BIRC6: variants seen among roughly 807,000 people sequenced by gnomAD.
The protein encoded by BIRC6 is dual E2 ubiquitin-conjugating enzyme/E3 ubiquitin-protein ligase BIRC6.
In BIRC6, 98 loss-of-function variants were observed where a neutral mutation model predicts 503.3. The observed-to-expected ratio is 0.19, with a 90% CI of 0.17 to 0.23. BIRC6 has a LOEUF of 0.23. BIRC6 is among the 10% of genes least tolerant of loss of function. The probability of loss-of-function intolerance (pLI) is 1.00; values close to 1 mark genes in which losing one functional copy is unlikely to be tolerated. For missense variants in BIRC6, 5,360 were observed against 5,806.0 expected, an observed-to-expected ratio of 0.92 and a Z score of 2.50; for synonymous variants, 2,240 against 2,078.7, an observed-to-expected ratio of 1.08 and a Z score of -2.11.
intron 39 of BIRC6, among the ~76,000 whole-genome samples, chr2:32,483,940 C>T (rs1211987349): frequency 1.3e-5 from 2 of 152,150 alleles, no homozygotes; most frequent in Non-Finnish European, 2.9e-5. Context: ...CTTTTCCCCT[C>T]TGTAAAAATG....
Position 32,442,312 on chromosome 2 carries a change from A to C in BIRC6, c.4107-12A>C. The C allele has an allele frequency of 6.2e-7, 1 of 1,612,964 alleles. No homozygotes were observed. Among genetic ancestry groups the C allele is most frequent in the Non-Finnish European group, 8.5e-7 (1 of 1,179,464 alleles). ...TTCAGGATGAGTCTAAATGTCTGCTATTGTTTTGCAGCTCAAAGGAAGGAA... is the reference window on the plus strand; with the variant it reads ...TTCAGGATGAGTCTAAATGTCTGCTCTTGTTTTGCAGCTCAAAGGAAGGAA... On this transcript the variant is annotated splice_polypyrimidine_tract_variant and intron_variant, in intron 18 of 73. Coordinates refer to ENST00000421745, the MANE Select transcript of BIRC6 (RefSeq NM_016252.4).
At chr2:32,579,028 AAT>A (rs1179970525) in intron 66 of BIRC6, among the ~76,000 whole-genome samples, 3 of 115,660 alleles carry the variant, frequency 2.6e-5, no homozygotes, top group Non-Finnish European at 3.6e-5. Context: ...ATATATACCT[AAT>A]ATATATATGT....
chr2:32,536,052 G>T (rs2057208940), intron 61 of BIRC6, among the ~76,000 whole-genome samples: 1 of 152,144 alleles, frequency 6.6e-6, no homozygotes. Flanking sequence ...TTCTCTGATG[G>T]CCAGTGATGA....
Position 32,515,222 on chromosome 2 carries a change from G to A in BIRC6, c.10801G>A (p.Ala3601Thr). Residue 3601 changes from alanine (A) to threonine (T), a missense_variant, in exon 55 of 74, where the codon GCA becomes ACA. By Grantham distance (58) the Ala-to-Thr change is moderately conservative. Transcript: ENST00000421745. ...AACAGATGACTCTAAAAATGCACAA[G>A]CACCTCTCGCATTAACTGAATCACA... ...SLTDDSKNAQ[A>T]PLALTESHLA... is the part of the protein sequence containing the mutation. 1 of 1,613,832 alleles carries A rather than the reference G, an allele frequency of 6.2e-7. No homozygotes were observed. Among genetic ancestry groups the A allele is most frequent in the Non-Finnish European group, 8.5e-7 (1 of 1,179,868 alleles).
chr2:32,398,117 G>A (rs2040175500), intron 6 of BIRC6, among the ~76,000 whole-genome samples: 1 of 152,100 alleles, frequency 6.6e-6, no homozygotes, highest in Non-Finnish European at 1.5e-5. Flanking sequence ...GACTGTGCGA[G>A]TTGATAGAGA....
chr2:32,463,457 T>C, intron 24 of BIRC6, 76 bp downstream of exon 24: 2 of 1,384,458 alleles, frequency 1.4e-6, no homozygotes. Flanking sequence ...AAAATGACCA[T>C]TATTTTCATA....
chr2:32,377,213 A>G (rs576214625), intron 1 of BIRC6, among the ~76,000 whole-genome samples: 201 of 144,258 alleles, frequency 1.4e-3, no homozygotes, highest in Middle Eastern at 3.5e-3. Context: ...CTTAATATAT[A>G]TGTGTGTGTG....
chr2:32,431,443 A>G (rs1283289774), intron 12 of BIRC6, among the ~76,000 whole-genome samples: 1 of 151,796 alleles, frequency 6.6e-6, no homozygotes, highest in Non-Finnish European at 1.5e-5. Context: ...TGATCCACCT[A>G]CCTCGGCCTC....
chr2:32,603,774 T>G lies in BIRC6; in HGVS notation c.14070+691T>G, dbSNP rs538665243. Among the ~76,000 whole-genome samples, 8 of 152,098 alleles carry G rather than the reference T, an allele frequency of 5.3e-5. No individual in the cohort carries two copies. The South Asian group carries it at 1.5e-3, about 28-fold the overall frequency. On this transcript the variant is annotated intron_variant, in intron 71 of 73. Coordinates refer to ENST00000421745, the MANE Select transcript of BIRC6 (RefSeq NM_016252.4). ...CGAAAGGGACAGTAAATTTGGCCTG[T>G]GAATAAAAGTCTTTACTCTGAAAAT...
Position 32,455,355 on chromosome 2 carries a change from G to A in BIRC6, c.4753+1413G>A, listed in dbSNP as rs147202727. 7.6e-3 allele frequency among the ~76,000 whole-genome samples: 1,115 copies of A among 145,978 alleles called. 13 individuals are homozygous for A. Among genetic ancestry groups the A allele is most frequent in the Non-Finnish European group, 0.011 (744 of 67,158 alleles). ...AGATCGCGCTACTGCATTCCAGCCTGGGCAAACAGCAAGACTCTGTCTCCA... is the reference window on the plus strand; with the variant it reads ...AGATCGCGCTACTGCATTCCAGCCTAGGCAAACAGCAAGACTCTGTCTCCA... On this transcript the variant is annotated intron_variant, in intron 23 of 73. Coordinates refer to ENST00000421745, the MANE Select transcript of BIRC6 (RefSeq NM_016252.4).
chr2:32,550,719 A>G (rs2058368726), intron 65 of BIRC6, among the ~76,000 whole-genome samples: 1 of 152,128 alleles, frequency 6.6e-6, no homozygotes, highest in South Asian at 2.1e-4. Context: ...CTCTTATAAC[A>G]CTGAGCTTTT....
Position 32,534,067 on chromosome 2 carries a change from A to G in BIRC6, c.12291+2516A>G, listed in dbSNP as rs560407471. On this transcript the variant is annotated intron_variant, in intron 61 of 73. Transcript: ENST00000421745. ...CTGTTAGGTGTGTTTAATAAGAGAC[A>G]CTGTCTGGGCATGGTGTAATCCTAG... Among the ~76,000 whole-genome samples, 11 of 152,254 alleles carry G rather than the reference A, an allele frequency of 7.2e-5. No homozygotes were observed. The East Asian group carries it at 2.1e-3, about 29-fold the overall frequency.
rs1009612993 is a variant in BIRC6, at chr2:32,589,098, G to A, written c.13356-4817G>A. Among the ~76,000 whole-genome samples the A allele has an allele frequency of 6.6e-5, 10 of 152,146 alleles. No individual in the cohort carries two copies. The South Asian group carries it at 1.0e-3, about 16-fold the overall frequency. On this transcript the variant is annotated intron_variant, in intron 66 of 73. Transcript: ENST00000421745. ...TGCTGTACTCCAATAAGCAAAAATC[G>A]TATTTAGTGTAGTTGGTATTTGATG...
At chr2:32,598,028 A>G (rs986400880) in intron 69 of BIRC6, 60 bp downstream of exon 69, 40 of 1,372,290 alleles carry the variant, frequency 2.9e-5, no homozygotes, top group Admixed American at 2.0e-4. Context: ...TAATTACTCA[A>G]ATTTTTATAC....
intron 41 of BIRC6, 112 bp downstream of exon 41, chr2:32,487,913 A>G: frequency 1.2e-6 from 1 of 849,858 alleles, no homozygotes; most frequent in Non-Finnish European, 1.8e-6. Context: ...TCTTTATTAT[A>G]TTCAGTTGGA....
At chr2:32,406,806 T>G (rs1381567519) in intron 9 of BIRC6, among the ~76,000 whole-genome samples, 7 of 152,222 alleles carry the variant, frequency 4.6e-5, no homozygotes, top group Non-Finnish European at 8.8e-5. Context: ...CGTTAAAGTT[T>G]TGTCACATAT....
At chr2:32,616,840 C>A (rs747385473) in intron 73 of BIRC6, among the ~76,000 whole-genome samples, 1 of 152,138 alleles carries the variant, frequency 6.6e-6, no homozygotes, top group Non-Finnish European at 1.5e-5. Context: ...CACAGTGGCT[C>A]ACACCTGCAA....
At position 32,415,445 on chromosome 2, in the gene BIRC6, G is replaced by A. The variant is rs768788131; in HGVS notation, c.2154G>A (p.Gln718=). The change falls in exon 10 of 74, where the codon CAG becomes CAA. Residue 718 remains glutamine (Q), a synonymous_variant. Transcript: ENST00000421745. ...SVFPKPGTLV[Q]CLRLPKFAEE... is the part of the protein sequence containing the mutation. ...TTCCCAAGCCTGGGACTTTGGTTCA[G>A]TGCTTGAGGCTGCCAAAGTTTGCAG... The A allele has an allele frequency of 2.5e-6, 4 of 1,613,874 alleles. No individual in the cohort carries two copies. Among genetic ancestry groups the A allele is most frequent in the African/African-American group, 1.3e-5 (1 of 74,934 alleles).
At chr2:32,486,782 A>G (rs904888256) in intron 40 of BIRC6, among the ~76,000 whole-genome samples, 2 of 152,148 alleles carry the variant, frequency 1.3e-5, no homozygotes, top group Admixed American at 6.5e-5. Flanking sequence ...AAAAGAAGGG[A>G]AAAAAGAAAA....
Sources: gnomAD v4.1 joint callset for allele counts (sites outside exome capture counted in the v4.1 genomes callset) on GRCh38, gnomAD v4.1.1 for gene constraint, MANE v1.5 for transcripts, NCBI Gene and HGNC (gene_info 2026-07-23, HGNC 2026-07-21) for gene names.